DPP10: variants seen among roughly 807,000 people sequenced by gnomAD.
DPP10 encodes dipeptidyl peptidase like 10.
DPP10 carries 33 observed loss-of-function variants against 120.9 expected under a neutral mutation model. The ratio of observed to expected loss-of-function variants is 0.27; its 90% CI spans 0.21 to 0.37. The LOEUF (loss-of-function observed/expected upper bound fraction) is 0.37, where lower values mean the gene tolerates loss of function less well. Among genes scored for constraint, DPP10 ranks in the 10% least tolerant of loss-of-function variants. The pLI is 1.00. For missense variants in DPP10, 816 were observed against 942.8 expected (o/e 0.87, Z 1.76); for synonymous variants, 337 against 326.1 (o/e 1.03, Z -0.36).
In DPP10 at chr2:115,842,330, A is replaced by G; in HGVS notation, c.2376A>G (p.Pro792=). 6.2e-7 allele frequency: 1 copy of G among 1,613,890 alleles called. No individual in the cohort carries two copies. The highest frequency in any genetic ancestry group is 8.5e-7 in the Non-Finnish European group (1 of 1,179,876). Residue 792 remains proline (P), a synonymous_variant, in exon 26 of 26, where the codon CCA becomes CCG. Transcript: ENST00000410059. ...KEEISVLPQE[P]EEDE is the part of the protein sequence containing the mutation. Reference sequence around the variant, plus strand: ...AAATATCTGTGCTACCACAGGAACCAGAAGAAGATGAATAATGGACTGTAT... The same window carrying G: ...AAATATCTGTGCTACCACAGGAACCGGAAGAAGATGAATAATGGACTGTAT...
intron 1 of DPP10, among the ~76,000 whole-genome samples, chr2:114,949,288 G>C (rs773341512): frequency 6.6e-6 from 1 of 152,002 alleles, no homozygotes; most frequent in Non-Finnish European, 1.5e-5. Flanking sequence ...AACAGCATGG[G>C]GGAAGCACCT....
At chr2:114,840,126 A>G (rs1009342724) in intron 1 of DPP10, among the ~76,000 whole-genome samples, 6 of 152,206 alleles carry the variant, frequency 3.9e-5, no homozygotes, top group Non-Finnish European at 8.8e-5. Context: ...GTAAATCAGT[A>G]TGCAGTATCA....
At chr2:115,263,543 C>T (rs1379455036) in intron 1 of DPP10, among the ~76,000 whole-genome samples, 2 of 152,214 alleles carry the variant, frequency 1.3e-5, no homozygotes, top group Admixed American at 6.5e-5. Flanking sequence ...AGTCAAGCTT[C>T]ATCCTCTTAG....
intron 5 of DPP10, among the ~76,000 whole-genome samples, chr2:115,596,851 A>G (rs557189152): frequency 1.3e-5 from 2 of 152,336 alleles, no homozygotes; most frequent in Non-Finnish European, 2.9e-5. Flanking sequence ...ACCCTTTCAA[A>G]TGGAGATTTC....
chr2:115,381,341 G>T (rs1365176868), intron 3 of DPP10, among the ~76,000 whole-genome samples: 1 of 151,838 alleles, frequency 6.6e-6, no homozygotes, highest in South Asian at 2.1e-4. Context: ...CCAGTTGATC[G>T]CGTCGGCTCC....
intron 1 of DPP10, among the ~76,000 whole-genome samples, chr2:114,652,051 A>T (rs1696627287): frequency 6.6e-6 from 1 of 152,156 alleles, no homozygotes; most frequent in African/African-American, 2.4e-5. Flanking sequence ...CATGAAGAAA[A>T]AAGGGTCAGT....
At chr2:115,033,123 A>G (rs1407626460) in intron 1 of DPP10, among the ~76,000 whole-genome samples, 1 of 152,120 alleles carries the variant, frequency 6.6e-6, no homozygotes, top group Non-Finnish European at 1.5e-5. Flanking sequence ...GAACCTCTCA[A>G]TAACACTGAG....
intron 3 of DPP10, among the ~76,000 whole-genome samples, chr2:115,410,894 T>C (rs995080010): frequency 6.6e-6 from 1 of 152,236 alleles, no homozygotes; most frequent in Non-Finnish European, 1.5e-5. Context: ...TGTATTGATA[T>C]TTTGATATAA....
chr2:115,717,372 A>AGC (rs1387720988), intron 7 of DPP10, among the ~76,000 whole-genome samples: 6 of 152,112 alleles, frequency 3.9e-5, no homozygotes, highest in African/African-American at 1.4e-4. Context: ...TAAAACTTAA[A>AGC]GTATAATAAA....
chr2:114,462,557 G>T (rs1679014688), intron 1 of DPP10, among the ~76,000 whole-genome samples: 1 of 152,100 alleles, frequency 6.6e-6, no homozygotes, highest in Admixed American at 6.5e-5. Flanking sequence ...TATGGGCTTT[G>T]GGGAGGAAAA....
At chr2:115,339,963 A>G (rs868619440) in intron 2 of DPP10, among the ~76,000 whole-genome samples, 26 of 152,282 alleles carry the variant, frequency 1.7e-4, no homozygotes, top group Middle Eastern at 3.4e-3. Context: ...AAATCTGAGT[A>G]AGGTTGATGG....
intron 2 of DPP10, among the ~76,000 whole-genome samples, chr2:115,340,482 T>C (rs1467656597): frequency 1.3e-5 from 2 of 151,972 alleles, no homozygotes; most frequent in African/African-American, 4.8e-5. Flanking sequence ...TTCACTGTTG[T>C]GTGTATGTAT....
intron 1 of DPP10, among the ~76,000 whole-genome samples, chr2:115,241,532 A>T (rs984880456): frequency 6.6e-6 from 1 of 152,178 alleles, no homozygotes; most frequent in Non-Finnish European, 1.5e-5. Flanking sequence ...AGATTTTGTG[A>T]TTCACAATAA....
intron 1 of DPP10, among the ~76,000 whole-genome samples, chr2:115,279,922 A>C (rs530761427): frequency 6.6e-6 from 1 of 151,964 alleles, no homozygotes; most frequent in Admixed American, 6.5e-5. Flanking sequence ...TTGGCCTCCC[A>C]AATTGGGTAG....
chr2:115,162,152 C>T lies in DPP10; in HGVS notation c.61-147087C>T, dbSNP rs2052436153. On this transcript the variant is annotated intron_variant, in intron 1 of 25. Transcript: ENST00000410059. The stretch of plus-strand genomic sequence containing the variant: ...CTCTTCTCACCCTCCCCCGCCCCGC[C>T]CCAGTTCCAGGCTCTCCTGCTTCTC... 2.7e-5 allele frequency: 42 copies of T among 1,538,020 alleles called. 1 individual carries two copies. Among genetic ancestry groups the T allele is most frequent in the Non-Finnish European group, 3.7e-5 (42 of 1,141,968 alleles).
intron 1 of DPP10, among the ~76,000 whole-genome samples, chr2:115,121,220 A>T (rs182442415): frequency 1.3e-5 from 2 of 152,208 alleles, no homozygotes; most frequent in African/African-American, 4.8e-5. Context: ...GCTTTTAGAC[A>T]TTACCTGGTA....
intron 1 of DPP10, among the ~76,000 whole-genome samples, chr2:114,792,942 C>T (rs1265504962): frequency 6.6e-6 from 1 of 151,662 alleles, no homozygotes; most frequent in Non-Finnish European, 1.5e-5. Flanking sequence ...ATGAACAGGA[C>T]TATCAAACTT....
At chr2:114,612,528 A>G (rs1693362640) in intron 1 of DPP10, among the ~76,000 whole-genome samples, 1 of 152,010 alleles carries the variant, frequency 6.6e-6, no homozygotes, top group Non-Finnish European at 1.5e-5. Flanking sequence ...ATATCTCTAG[A>G]TATTTCTTCA....
chr2:115,730,606 G>A lies in DPP10; in HGVS notation c.697+2670G>A, dbSNP rs1331726369. Among the ~76,000 whole-genome samples the A allele has an allele frequency of 5.9e-5, 9 of 152,148 alleles. No homozygotes were observed. In the South Asian group the frequency reaches 1.4e-3, roughly 24 times the overall value. On this transcript the variant is annotated intron_variant, in intron 8 of 25. Coordinates refer to ENST00000410059, the MANE Select transcript of DPP10 (RefSeq NM_020868.6). ...AGATGACTTGGGTCTCTGTCCTATT[G>A]AAAAGGCTTCATACATTTATAAGGA...
Sources: allele counts gnomAD v4.1 joint callset (sites outside exome capture counted in the v4.1 genomes callset), GRCh38; gene constraint gnomAD v4.1.1; transcripts MANE v1.5; gene names NCBI Gene and HGNC (gene_info 2026-07-23, HGNC 2026-07-21).